The following NCAM2 variants were observed in gnomAD, a reference collection of about 807,000 sequenced individuals.
The protein encoded by NCAM2 is N-CAM-2.
NCAM2 carries 30 observed loss-of-function variants against 98.1 expected under a neutral mutation model. The observed-to-expected ratio is 0.31, with a 90% CI of 0.23 to 0.41. The LOEUF is 0.41. NCAM2 is among the 10% of genes least tolerant of loss of function. The pLI is 1.00. For synonymous variants in NCAM2, 368 were observed against 342.4 expected (o/e 1.07, Z -0.83); for missense variants, 867 against 1,005.8 (o/e 0.86, Z 1.87).
chr21:21,274,185 T>G (rs1164933821), intron 1 of NCAM2, among the ~76,000 whole-genome samples: 1 of 151,336 alleles, frequency 6.6e-6, no homozygotes, highest in Non-Finnish European at 1.5e-5. Context: ...AAAAAAAATT[T>G]TAATCACTTA....
intron 15 of NCAM2, among the ~76,000 whole-genome samples, chr21:21,504,926 G>A (rs1012583231): frequency 7.9e-5 from 12 of 151,304 alleles, no homozygotes; most frequent in African/African-American, 2.4e-4. Context: ...TTTATCTTTC[G>A]TGTTACAAAT....
chr21:21,443,190 A>G (rs984232627), intron 12 of NCAM2, among the ~76,000 whole-genome samples: 1 of 152,276 alleles, frequency 6.6e-6, no homozygotes, highest in Admixed American at 6.5e-5. Flanking sequence ...AAAACCAAAC[A>G]TTGCATGTTC....
chr21:21,148,169 A>T (rs8127179), intron 1 of NCAM2, among the ~76,000 whole-genome samples: 147,686 of 152,268 alleles, frequency 0.97, 71,764 homozygotes, highest in East Asian at 1. Flanking sequence ...TAATCTTTTT[A>T]AGAAACAACT....
intron 1 of NCAM2, among the ~76,000 whole-genome samples, chr21:21,216,033 C>G (rs527338532): frequency 1.3e-5 from 2 of 152,226 alleles, no homozygotes; most frequent in Admixed American, 6.5e-5. Context: ...CCTGTTCTTT[C>G]AAAGACCTGA....
chr21:21,178,509 A>G (rs971788144), intron 1 of NCAM2, among the ~76,000 whole-genome samples: 2 of 152,096 alleles, frequency 1.3e-5, no homozygotes, highest in Non-Finnish European at 2.9e-5. Context: ...TTTCCAGAGA[A>G]GCAGATATTT....
At chr21:21,087,459 C>G (rs2065926756) in intron 1 of NCAM2, among the ~76,000 whole-genome samples, 1 of 152,174 alleles carries the variant, frequency 6.6e-6, no homozygotes, top group South Asian at 2.1e-4. Flanking sequence ...CTTTATCCTC[C>G]TGGGTTCTGA....
At chr21:21,187,906 T>G (rs1479585827) in intron 1 of NCAM2, among the ~76,000 whole-genome samples, 1 of 152,222 alleles carries the variant, frequency 6.6e-6, no homozygotes, top group Non-Finnish European at 1.5e-5. Context: ...AACTTTATTA[T>G]AAAAATGTAC....
At chr21:21,374,246 GTCTTTCTTTTTTT>G (rs1377330499) in intron 9 of NCAM2, among the ~76,000 whole-genome samples, 1 of 151,626 alleles carries the variant, frequency 6.6e-6, no homozygotes, top group Non-Finnish European at 1.5e-5. Flanking sequence ...CCTGAAAATG[GTCTTTCTTTTTTT>G]GCAACATTGA....
chr21:21,467,652 C>A (rs1276429362), intron 13 of NCAM2, among the ~76,000 whole-genome samples: 2 of 151,546 alleles, frequency 1.3e-5, no homozygotes, highest in African/African-American at 2.4e-5. Context: ...TCAAGACCAG[C>A]CTGGGTGATA....
intron 1 of NCAM2, among the ~76,000 whole-genome samples, chr21:21,253,447 T>TTA (rs2147299756): frequency 6.6e-6 from 1 of 152,216 alleles, no homozygotes; most frequent in Non-Finnish European, 1.5e-5. Flanking sequence ...ATTGGAGCCC[T>TTA]TATAAATGGA....
chr21:21,248,653 T>C (rs1002897033), intron 1 of NCAM2, among the ~76,000 whole-genome samples: 1 of 151,482 alleles, frequency 6.6e-6, no homozygotes, highest in Non-Finnish European at 1.5e-5. Context: ...GGCGGGCGCC[T>C]GTAGTCCCAG....
intron 1 of NCAM2, among the ~76,000 whole-genome samples, chr21:21,004,993 TG>T (rs2064085286): frequency 6.6e-6 from 1 of 151,964 alleles, no homozygotes; most frequent in African/African-American, 2.4e-5. Flanking sequence ...GTGAACAAAT[TG>T]TAAGAAGGGA....
chr21:21,153,306 T>C (rs79720690), intron 1 of NCAM2, among the ~76,000 whole-genome samples: 1 of 151,792 alleles, frequency 6.6e-6, no homozygotes, highest in African/African-American at 2.4e-5. Context: ...ATTTTTTTTT[T>C]CATGAAGCTC....
chr21:21,253,272 G>T (rs544808406), intron 1 of NCAM2, among the ~76,000 whole-genome samples: 8 of 152,214 alleles, frequency 5.3e-5, no homozygotes, highest in African/African-American at 1.9e-4. Context: ...GTTCATTTTG[G>T]TAATTTTTAA....
chr21:21,410,310 A>G lies in NCAM2; in HGVS notation c.1232A>G (p.Tyr411Cys). 6.3e-7 allele frequency: 1 copy of G among 1,584,486 alleles called. No homozygotes were observed. The highest frequency in any genetic ancestry group is 8.6e-7 in the Non-Finnish European group (1 of 1,165,152). The stretch of plus-strand genomic sequence containing the variant: ...TTTATATCAAACCAAACAATTTATT[A>G]CTCTTGGGAAGGAAATCCTATCAAT... ...PKFISNQTIY[Y>C]SWEGNPINIS... The change falls in exon 10 of 18, where the codon TAC (tyrosine) becomes TGC (cysteine). Residue 411 changes from tyrosine (Y) to cysteine (C), a missense_variant. By Grantham distance (194) the Tyr-to-Cys change is radical. This residue lies in a region of NCAM2 where 447 missense variants were observed against 495.7 expected (regional missense o/e 0.90). Coordinates refer to ENST00000400546, the MANE Select transcript of NCAM2 (RefSeq NM_004540.5).
intron 16 of NCAM2, among the ~76,000 whole-genome samples, chr21:21,511,580 T>C (rs1455577265): frequency 4.0e-5 from 6 of 150,894 alleles, no homozygotes; most frequent in African/African-American, 1.2e-4. Flanking sequence ...TATCTCTTGA[T>C]TTTTTTAAAA....
intron 1 of NCAM2, among the ~76,000 whole-genome samples, chr21:21,056,922 CATTT>C (rs1365356199): frequency 1.3e-5 from 2 of 152,026 alleles, no homozygotes. Context: ...GCTTTCTCCC[CATTT>C]ATTTATCTGA....
At chr21:21,302,245 T>C (rs1443689118) in intron 5 of NCAM2, among the ~76,000 whole-genome samples, 1 of 152,120 alleles carries the variant, frequency 6.6e-6, no homozygotes, top group Non-Finnish European at 1.5e-5. Context: ...GGATTAAGTT[T>C]GGGGTCTTTT....
At chr21:21,505,121 G>T (rs564246193) in intron 15 of NCAM2, among the ~76,000 whole-genome samples, 2 of 151,850 alleles carry the variant, frequency 1.3e-5, no homozygotes, top group East Asian at 3.9e-4. Flanking sequence ...AGCAACCTAC[G>T]ATTGTAATAA....
Sources: allele counts gnomAD v4.1 joint callset (sites outside exome capture counted in the v4.1 genomes callset), GRCh38; gene constraint gnomAD v4.1.1; regional missense constraint gnomAD v4.1.1; transcripts MANE v1.5; gene names NCBI Gene and HGNC (gene_info 2026-07-23, HGNC 2026-07-21).